The following ZCCHC7 variants were observed in gnomAD, a reference collection of about 807,000 sequenced individuals.
ZCCHC7 encodes zinc finger CCHC-type containing 7, also known as zinc finger CCHC domain-containing protein 7.
In ZCCHC7, 35 loss-of-function variants were observed where a neutral mutation model predicts 52.0. The observed-to-expected ratio is 0.67, with a 90% CI of 0.51 to 0.89. The LOEUF (loss-of-function observed/expected upper bound fraction) is 0.89, where lower values mean the gene tolerates loss of function less well. Among genes scored for constraint, ZCCHC7 ranks in the 40% least tolerant of loss-of-function variants. The pLI is 0.00. For synonymous variants in ZCCHC7, 217 were observed against 221.5 expected, an observed-to-expected ratio of 0.98 and a Z score of 0.18; for missense variants, 574 against 649.1, an observed-to-expected ratio of 0.88 and a Z score of 1.26.
chr9:37,232,725 T>C (rs1341011749), intron 2 of ZCCHC7, among the ~76,000 whole-genome samples: 3 of 152,248 alleles, frequency 2.0e-5, no homozygotes, highest in African/African-American at 4.8e-5. Context: ...CAAGAAATAA[T>C]TGTTGAGCAA....
chr9:37,192,029 T>C (rs1199635187), intron 2 of ZCCHC7, among the ~76,000 whole-genome samples: 1 of 152,232 alleles, frequency 6.6e-6, no homozygotes, highest in Non-Finnish European at 1.5e-5. Flanking sequence ...AATGTTGCAA[T>C]GATAATTTGA....
chr9:37,186,654 TAAAG>T, intron 2 of ZCCHC7: 1 of 546,166 alleles, frequency 1.8e-6, no homozygotes, highest in Non-Finnish European at 3.4e-6. Context: ...TTCCTAAAAA[TAAAG>T]AAAATTATAC....
chr9:37,300,355 A>G (rs1159949933), intron 2 of ZCCHC7, among the ~76,000 whole-genome samples: 3 of 152,252 alleles, frequency 2.0e-5, no homozygotes, highest in Non-Finnish European at 4.4e-5. Flanking sequence ...AGCAGCTTTG[A>G]AAGTTGTAGC....
intron 2 of ZCCHC7, among the ~76,000 whole-genome samples, chr9:37,127,386 G>C (rs955356662): frequency 1.3e-5 from 2 of 152,108 alleles, no homozygotes; most frequent in African/African-American, 2.4e-5. Context: ...GGGAATGTCT[G>C]GCACACAGAA....
intron 6 of ZCCHC7, among the ~76,000 whole-genome samples, chr9:37,339,879 A>G (rs979482180): frequency 6.6e-6 from 1 of 152,172 alleles, no homozygotes; most frequent in African/African-American, 2.4e-5. Context: ...GCAAGCCCTC[A>G]TTGGATCAAA....
chr9:37,343,464 G>A (rs75884367), intron 6 of ZCCHC7, among the ~76,000 whole-genome samples: 179 of 152,086 alleles, frequency 1.2e-3, no homozygotes, highest in Non-Finnish European at 1.7e-3. Flanking sequence ...TATTATCTCC[G>A]TATTCCTCGC....
intron 2 of ZCCHC7, among the ~76,000 whole-genome samples, chr9:37,196,389 C>T (rs781432207): frequency 4.6e-5 from 7 of 152,070 alleles, no homozygotes; most frequent in Admixed American, 1.3e-4. Context: ...TTTAATAGTA[C>T]GTCCTTTGTC....
At chr9:37,269,171 T>A (rs892904029) in intron 2 of ZCCHC7, among the ~76,000 whole-genome samples, 1 of 152,094 alleles carries the variant, frequency 6.6e-6, no homozygotes, top group Non-Finnish European at 1.5e-5. Context: ...TAGGGCAAGA[T>A]GAGGCTGGAA....
intron 2 of ZCCHC7, among the ~76,000 whole-genome samples, chr9:37,153,230 G>T (rs569909530): frequency 6.6e-6 from 1 of 152,068 alleles, no homozygotes; most frequent in East Asian, 1.9e-4. Context: ...GAGTGCACTG[G>T]TGTGATCTCG....
intron 2 of ZCCHC7, among the ~76,000 whole-genome samples, chr9:37,278,171 C>T (rs1304991249): frequency 1.3e-5 from 2 of 151,920 alleles, no homozygotes; most frequent in Admixed American, 6.6e-5. Flanking sequence ...GTGGTCCTTT[C>T]ACTTCAGCCT....
chr9:37,240,223 G>T (rs992413648), intron 2 of ZCCHC7, among the ~76,000 whole-genome samples: 3 of 151,742 alleles, frequency 2.0e-5, no homozygotes, highest in African/African-American at 7.3e-5. Flanking sequence ...TCCCATGATT[G>T]GTGTTCGTTT....
At position 37,205,574 on chromosome 9, in the gene ZCCHC7, AG is replaced by A. The variant is rs1319146007; in HGVS notation, c.610+78634del. 3.3e-3 allele frequency among the ~76,000 whole-genome samples: 508 copies of A among 152,290 alleles called. 3 individuals carry two copies. The highest frequency in any genetic ancestry group is 4.7e-3 in the Non-Finnish European group (317 of 68,014). On this transcript the variant is annotated intron_variant, in intron 2 of 8. Transcript: ENST00000336755. ...CTCAGTCGCCCAGGTTGCAATGCAG[AG>A]GCACAATCTCAGCTCACTGCAACCT...
At chr9:37,191,122 G>A (rs989442081) in intron 2 of ZCCHC7, among the ~76,000 whole-genome samples, 2 of 152,042 alleles carry the variant, frequency 1.3e-5, no homozygotes, top group Non-Finnish European at 2.9e-5. Context: ...TGCAAATTTA[G>A]TAAAACATTT....
chr9:37,352,049 A>G (rs760674198), intron 7 of ZCCHC7, among the ~76,000 whole-genome samples: 1 of 152,240 alleles, frequency 6.6e-6, no homozygotes, highest in Non-Finnish European at 1.5e-5. Flanking sequence ...GATAAATTAT[A>G]TAGCCAACTA....
rs117834612 is a variant in ZCCHC7 at position 37,270,043 on chromosome 9, G to A, written c.611-32145G>A. Among the ~76,000 whole-genome samples, 103 of 152,276 alleles carry A rather than the reference G, an allele frequency of 6.8e-4. 2 individuals carry two copies. In the East Asian group the frequency reaches 0.019, roughly 29 times the overall value. ...GCTATGTGTGTATCTGGTCTGAATT[G>A]AGATGTGTTATAGTCTAAAGACTGA... On this transcript the variant is annotated intron_variant, in intron 2 of 8. Transcript: ENST00000336755.
intron 2 of ZCCHC7, among the ~76,000 whole-genome samples, chr9:37,145,273 G>A (rs531838026): frequency 6.6e-6 from 1 of 151,894 alleles, no homozygotes; most frequent in East Asian, 1.9e-4. Context: ...TTGAAAATTG[G>A]CAAAATTAAG....
At chr9:37,306,549 T>TC (rs1829316995) in intron 5 of ZCCHC7, among the ~76,000 whole-genome samples, 3 of 151,418 alleles carry the variant, frequency 2.0e-5, no homozygotes, top group South Asian at 4.2e-4. Context: ...AACTGCAACC[T>TC]CCAACTCCTG....
At chr9:37,148,452 A>G (rs558357314) in intron 2 of ZCCHC7, among the ~76,000 whole-genome samples, 4 of 152,234 alleles carry the variant, frequency 2.6e-5, no homozygotes, top group East Asian at 3.9e-4. Context: ...TTAAAATTCT[A>G]TTTTGAATTA....
chr9:37,247,757 A>T (rs1826140122), intron 2 of ZCCHC7, among the ~76,000 whole-genome samples: 1 of 152,218 alleles, frequency 6.6e-6, no homozygotes, highest in South Asian at 2.1e-4. Context: ...AAAATAAAAA[A>T]TAAAAACAAT....
Sources: allele counts gnomAD v4.1 joint callset (sites outside exome capture counted in the v4.1 genomes callset), GRCh38; gene constraint gnomAD v4.1.1; transcripts MANE v1.5; gene names NCBI Gene and HGNC (gene_info 2026-07-23, HGNC 2026-07-21).